The following ODR4 variants were observed in gnomAD, a reference collection of about 807,000 sequenced individuals.
ODR4 encodes odr-4 GPCR localization factor homolog, also known as protein odr-4 homolog.
In ODR4, 47 loss-of-function variants were observed where a neutral mutation model predicts 60.2. That is an observed-to-expected ratio of 0.78 (90% confidence interval 0.62 to 1.00). The LOEUF (loss-of-function observed/expected upper bound fraction) is 1.00. Among genes scored for constraint, ODR4 ranks in the 50% least tolerant of loss-of-function variants. ODR4 has a pLI of 0.00. For synonymous variants in ODR4, 178 were observed against 175.5 expected (o/e 1.01, Z -0.11); for missense variants, 488 against 530.8 (o/e 0.92, Z 0.79).
At chr1:186,416,958 T>C (rs1416064162) in intron 12 of ODR4, among the ~76,000 whole-genome samples, 4 of 151,804 alleles carry the variant, frequency 2.6e-5, no homozygotes, top group Non-Finnish European at 2.9e-5. Context: ...GTAAACAAAT[T>C]ATTATTATTG....
Position 186,390,818 on chromosome 1 carries a change from T to C in ODR4, c.582T>C (p.Thr194=). 1 of 1,613,240 alleles carries C rather than the reference T, an allele frequency of 6.2e-7. No homozygotes were observed. Among genetic ancestry groups the C allele is most frequent in the Non-Finnish European group, 8.5e-7 (1 of 1,179,432 alleles). ...HINIHIPLSA[T]SVSYTLEKNT... Reference sequence around the variant, plus strand: ...ATATTCACATCCCACTTTCTGCTACTTCTGTCAGCTATACTCTGGAGAAAA... The same window carrying C: ...ATATTCACATCCCACTTTCTGCTACCTCTGTCAGCTATACTCTGGAGAAAA... The change falls in exon 7 of 14, where the codon ACT becomes ACC. Residue 194 remains threonine, a synonymous_variant. Transcript: ENST00000287859.
chr1:186,432,090 A>G, the ODR4 span, among the ~76,000 whole-genome samples: 11 of 152,148 alleles, frequency 7.2e-5, no homozygotes, highest in Admixed American at 7.2e-4. Flanking sequence ...AAGTTTTGGT[A>G]GCTTCTCATA....
intron 4 of ODR4, 48 bp from the exon 5 acceptor site, chr1:186,388,392 CTT>C: frequency 1.9e-6 from 2 of 1,031,840 alleles, no homozygotes; most frequent in Non-Finnish European, 2.7e-6. Flanking sequence ...CAACACTCAT[CTT>C]TTTTTTTCAT....
downstream of ODR4, among the ~76,000 whole-genome samples, chr1:186,422,053 A>G (rs1397723120): frequency 6.6e-6 from 1 of 152,072 alleles, no homozygotes; most frequent in Non-Finnish European, 1.5e-5. Flanking sequence ...ACCCAATTAA[A>G]TGATAGCATT....
intron 3 of ODR4, among the ~76,000 whole-genome samples, chr1:186,385,175 T>C (rs1019552354): frequency 1.3e-5 from 2 of 151,764 alleles, no homozygotes; most frequent in African/African-American, 4.9e-5. Flanking sequence ...ATCAATATTA[T>C]TTTAAGGTAA....
In ODR4 at chr1:186,412,854, G is replaced by T. The variant is rs796728493; in HGVS notation, c.1187-4690G>T. ...AGAAAGAGATATATAAATGGAGGAT[G>T]ATATTAACACATTATTAGGCTTTTA... On this transcript the variant is annotated intron_variant, in intron 12 of 13. Transcript: ENST00000287859. Among the ~76,000 whole-genome samples, 8 of 152,166 alleles carry T rather than the reference G, an allele frequency of 5.3e-5. No individual in the cohort carries two copies. The East Asian group carries it at 1.5e-3, about 29-fold the overall frequency.
rs1296712893 is a variant in ODR4, at chr1:186,393,983, C to G, written c.748C>G (p.His250Asp). ...SSRGNTQATS[H>D]SFDVRVLTQL... ...TAGAGGAAATACTCAAGCAACTAGT[C>G]ATTCTTTTGATGTCAGAGTGCTAAC... Residue 250 changes from histidine (H) to aspartate (D), a missense_variant, in exon 9 of 14, where the codon CAT (histidine) becomes GAT (aspartate). By Grantham distance (81) the His-to-Asp change is moderately conservative (BLOSUM62 -1). Coordinates refer to ENST00000287859, the MANE Select transcript of ODR4 (RefSeq NM_017847.6). 6.6e-7 allele frequency: 1 copy of G among 1,523,388 alleles called. No homozygotes were observed. Among genetic ancestry groups the G allele is most frequent in the Non-Finnish European group, 8.9e-7 (1 of 1,125,592 alleles). The allele number at this position is 1,523,388 out of a possible 1,614,324, so 94.4% of individuals were successfully genotyped here. A position where few individuals can be genotyped will look rare whatever the true frequency, so the allele number is the denominator to read the frequency against.
At chr1:186,414,356 A>G (rs1031426116) in intron 12 of ODR4, among the ~76,000 whole-genome samples, 5 of 147,638 alleles carry the variant, frequency 3.4e-5, no homozygotes, top group Non-Finnish European at 6.1e-5. Context: ...TATTAAATAT[A>G]TAAGTAATAT....
intron 11 of ODR4, chr1:186,401,270 A>G: frequency 8.2e-7 from 1 of 1,220,692 alleles, no homozygotes; most frequent in Non-Finnish European, 1.1e-6. Flanking sequence ...TTAGAAGTTA[A>G]TGTTAAAGCC....
chr1:186,415,653 A>G (rs1275398745), intron 12 of ODR4, among the ~76,000 whole-genome samples: 1 of 152,108 alleles, frequency 6.6e-6, no homozygotes, highest in East Asian at 1.9e-4. Context: ...ACACACTGGG[A>G]ATTTCTGTCA....
intron 12 of ODR4, among the ~76,000 whole-genome samples, chr1:186,410,832 A>G (rs879695153): frequency 3.6e-5 from 5 of 139,294 alleles, no homozygotes; most frequent in Non-Finnish European, 7.4e-5. Context: ...CCTGACCAAC[A>G]TGGAGAAACC....
chr1:186,410,555 G>A (rs1304301168), intron 12 of ODR4, among the ~76,000 whole-genome samples: 1 of 152,188 alleles, frequency 6.6e-6, no homozygotes, highest in Non-Finnish European at 1.5e-5. Context: ...GTTATGCAGA[G>A]AATGTAGTAA....
At chr1:186,383,869 C>G (rs1009315567) in intron 3 of ODR4, among the ~76,000 whole-genome samples, 2 of 151,974 alleles carry the variant, frequency 1.3e-5, no homozygotes, top group Non-Finnish European at 2.9e-5. Flanking sequence ...GAAACCCCGT[C>G]TCTAGTAAAA....
At chr1:186,395,659 C>T (rs746436653) in intron 9 of ODR4, among the ~76,000 whole-genome samples, 68 of 152,176 alleles carry the variant, frequency 4.5e-4, no homozygotes, top group Non-Finnish European at 7.9e-4. Flanking sequence ...CTCTCTTCAT[C>T]TATACATTCT....
chr1:186,421,361 G>A lies in ODR4; in HGVS notation c.*2285G>A, dbSNP rs1558107326. On this transcript the variant is annotated 3_prime_UTR_variant, in exon 14 of 14. Coordinates refer to ENST00000287859, the MANE Select transcript of ODR4 (RefSeq NM_017847.6). ...ACAAATGTAAAACTAAATAAACATTGTTATGCAACATTAATAATGTGGAAT... is the reference window on the plus strand; with the variant it reads ...ACAAATGTAAAACTAAATAAACATTATTATGCAACATTAATAATGTGGAAT... 1.3e-5 allele frequency: 2 copies of A among 152,106 alleles called. No homozygotes were observed. The highest frequency in any genetic ancestry group is 4.8e-5 in the African/African-American group (2 of 41,414). The allele number at this position is 152,106 out of a possible 1,614,324, so 9.4% of individuals were successfully genotyped here. A position where few individuals can be genotyped will look rare whatever the true frequency, so the allele number is the denominator to read the frequency against.
rs1660436481 is a variant in ODR4 at position 186,390,712 on chromosome 1, G to T, written c.476G>T (p.Ser159Ile). 1.2e-6 allele frequency: 2 copies of T among 1,613,204 alleles called. No homozygotes were observed. Among genetic ancestry groups the T allele is most frequent in the Admixed American group, 3.3e-5 (2 of 59,992 alleles). Reference protein sequence around the residue: ...CRTYDIHDPKSSARPADWKYQ... With the variant: ...CRTYDIHDPKISARPADWKYQ... ...TTTTTCTCCCTTCTCCACTGCTAGA[G>T]TTCAGCAAGACCAGCAGATTGGAAG... Residue 159 changes from serine (S) to isoleucine (I), a missense_variant and splice_region_variant, in exon 7 of 14, where the codon AGT (serine) becomes ATT (isoleucine). By Grantham distance (142) the Ser-to-Ile change is moderately radical. Transcript: ENST00000287859.
chr1:186,399,278 C>G (rs1041581444), intron 11 of ODR4: 88 of 510,436 alleles, frequency 1.7e-4, no homozygotes, highest in Non-Finnish European at 2.9e-4. Context: ...AGTCATGGCT[C>G]ACCTGCAGCC....
intron 3 of ODR4, among the ~76,000 whole-genome samples, chr1:186,385,527 G>T (rs944267679): frequency 1.8e-4 from 28 of 151,832 alleles, no homozygotes; most frequent in African/African-American, 6.3e-4. Context: ...GAGACATGCA[G>T]AAGTATAAGA....
chr1:186,389,611 T>G lies in ODR4; in HGVS notation c.461T>G (p.Ile154Ser), dbSNP rs754718546. The change falls in exon 6 of 14, where the codon ATC (isoleucine) becomes AGC (serine). Residue 154 changes from isoleucine to serine, a missense_variant. Transcript: ENST00000287859. ...TKKIFCRTYD[I>S]HDPKSSARPA... is the part of the protein sequence containing the mutation. Reference sequence around the variant, plus strand: ...AGAATATTTTGTCGAACTTATGATATCCATGATCCAAAGGTAAGAAATTTA... The same window carrying G: ...AGAATATTTTGTCGAACTTATGATAGCCATGATCCAAAGGTAAGAAATTTA... 7 of 1,537,878 alleles carry G rather than the reference T, an allele frequency of 4.6e-6. No homozygotes were observed. Among genetic ancestry groups the G allele is most frequent in the African/African-American group, 1.4e-5 (1 of 71,768 alleles).
Sources: allele counts gnomAD v4.1 joint callset (sites outside exome capture counted in the v4.1 genomes callset), GRCh38; gene constraint gnomAD v4.1.1; transcripts MANE v1.5; gene names NCBI Gene and HGNC (gene_info 2026-07-23, HGNC 2026-07-21).